CAMTA1: variants seen among roughly 807,000 people sequenced by gnomAD.
CAMTA1 encodes the protein calmodulin binding transcription activator 1.
A neutral mutation model predicts 170.9 loss-of-function variants in CAMTA1; 27 were observed. The observed-to-expected ratio is 0.16, with a 90% CI of 0.12 to 0.22. CAMTA1 has a LOEUF of 0.22. Among genes scored for constraint, CAMTA1 ranks in the 10% least tolerant of loss-of-function variants. The pLI, the probability that CAMTA1 is intolerant of heterozygous loss-of-function variation, is 1.00. For missense variants in CAMTA1, 1,619 were observed against 2,217.2 expected (o/e 0.73, Z 5.42); for synonymous variants, 833 against 891.5 (o/e 0.93, Z 1.17).
chr1:6,907,380 C>T (rs1327985410), intron 3 of CAMTA1, among the ~76,000 whole-genome samples: 1 of 152,110 alleles, frequency 6.6e-6, no homozygotes, highest in Admixed American at 6.5e-5. Context: ...CTCCTGCCCT[C>T]CCCCCGCTGT....
At chr1:7,330,717 G>T (rs558898512) in intron 5 of CAMTA1, among the ~76,000 whole-genome samples, 14 of 152,322 alleles carry the variant, frequency 9.2e-5, no homozygotes, top group Admixed American at 3.9e-4. Context: ...TATACTAACT[G>T]GCTGTTAAGT....
intron 7 of CAMTA1, 49 bp from the exon 8 acceptor site, chr1:7,661,677 C>T: frequency 6.2e-7 from 1 of 1,607,412 alleles, no homozygotes; most frequent in South Asian, 1.1e-5. Flanking sequence ...CACCCAGGTC[C>T]CCTCTGCACC....
intron 4 of CAMTA1, among the ~76,000 whole-genome samples, chr1:7,139,822 T>C (rs1645789414): frequency 6.6e-6 from 1 of 152,198 alleles, no homozygotes; most frequent in Admixed American, 6.5e-5. Flanking sequence ...TTCGCAATGC[T>C]TCGTGACTCA....
Position 7,499,752 on chromosome 1 carries a change from TTG to T in CAMTA1, c.510+31856_510+31857del, listed in dbSNP as rs1417736513. On this transcript the variant is annotated intron_variant, in intron 6 of 22. Transcript: ENST00000303635. ...TCCATGAGTGAGTGTGTAGAGAGGA[TTG>T]TGTGAGCCTGTTGTGAGTGTGTGTG... 4.5e-5 allele frequency among the ~76,000 whole-genome samples: 6 copies of T among 131,872 alleles called. 1 individual carries two copies. 86.5% of individuals were successfully genotyped at this position (131,872 alleles called of 152,430 possible).
chr1:7,452,204 C>T (rs1334276310), intron 5 of CAMTA1, among the ~76,000 whole-genome samples: 1 of 152,180 alleles, frequency 6.6e-6, no homozygotes, highest in Non-Finnish European at 1.5e-5. Flanking sequence ...GATAGACTCA[C>T]GGGGGGTCTG....
At chr1:6,996,550 C>T (rs1043383966) in intron 3 of CAMTA1, among the ~76,000 whole-genome samples, 2 of 152,252 alleles carry the variant, frequency 1.3e-5, no homozygotes, top group Admixed American at 1.3e-4. Context: ...GGGAGTTCCC[C>T]TTTCATTTTC....
chr1:7,724,114 C>T (rs748172154), intron 11 of CAMTA1, among the ~76,000 whole-genome samples: 2 of 152,154 alleles, frequency 1.3e-5, no homozygotes, highest in Non-Finnish European at 1.5e-5. Context: ...CCACTGCGCC[C>T]GGCCTAAAAC....
At chr1:6,908,504 C>G (rs749749025) in intron 3 of CAMTA1, among the ~76,000 whole-genome samples, 1 of 152,210 alleles carries the variant, frequency 6.6e-6, no homozygotes, top group African/African-American at 2.4e-5. Context: ...GAACTGGCAA[C>G]GCGATCACCT....
chr1:6,884,202 G>A (rs1672455508), intron 3 of CAMTA1, among the ~76,000 whole-genome samples: 1 of 151,782 alleles, frequency 6.6e-6, no homozygotes, highest in South Asian at 2.1e-4. Context: ...GGAAGGAGGG[G>A]ACACCATGGC....
chr1:7,149,938 G>A (rs772933420), intron 4 of CAMTA1, among the ~76,000 whole-genome samples: 1 of 152,224 alleles, frequency 6.6e-6, no homozygotes, highest in African/African-American at 2.4e-5. Flanking sequence ...GTACCTGGGG[G>A]CTTGTACTGC....
At chr1:7,330,964 G>A (rs929019992) in intron 5 of CAMTA1, among the ~76,000 whole-genome samples, 10 of 152,122 alleles carry the variant, frequency 6.6e-5, no homozygotes, top group Admixed American at 3.9e-4. Flanking sequence ...GGTTAGAGTC[G>A]GGTACAGTGG....
chr1:7,284,165 C>CTTA (rs1671959013), intron 5 of CAMTA1, among the ~76,000 whole-genome samples: 1 of 117,978 alleles, frequency 8.5e-6, no homozygotes, highest in Non-Finnish European at 1.7e-5. Context: ...TCTTCTTCTT[C>CTTA]TTCTTCTTCT....
rs528634194 is a variant in CAMTA1, at chr1:7,355,297, T to G, written c.438+105671T>G. On this transcript the variant is annotated intron_variant, in intron 5 of 22. Coordinates refer to ENST00000303635, the MANE Select transcript of CAMTA1 (RefSeq NM_015215.4). ...TACTCGGGAGGCTGAGGTGGGAAGA[T>G]GGCTTGGCCCGGAGGGGGTCAAGGC... Among the ~76,000 whole-genome samples, 25 of 2,884 alleles carry G rather than the reference T, an allele frequency of 8.7e-3. 1 individual carries two copies. In the South Asian group the frequency reaches 0.23, roughly 27 times the overall value. 1.9% of individuals were successfully genotyped at this position (2,884 alleles called of 152,430 possible). A position where few individuals can be genotyped will look rare whatever the true frequency, so the allele number is the denominator to read the frequency against.
At position 7,088,738 on chromosome 1, in the gene CAMTA1, C is replaced by T. The variant is rs546574520; in HGVS notation, c.235-2566C>T. 3.9e-5 allele frequency among the ~76,000 whole-genome samples: 6 copies of T among 152,306 alleles called. No homozygotes were observed. In the South Asian group the frequency reaches 1.0e-3, roughly 26 times the overall value. On this transcript the variant is annotated intron_variant, in intron 3 of 22. Transcript: ENST00000303635. ...TCCCCTGGGCCACTAAGGGTCACTT[C>T]TCTCAGCATGGTCCTGAGCAGGGGC...
At chr1:7,449,560 A>G (rs2092763730) in intron 5 of CAMTA1, among the ~76,000 whole-genome samples, 1 of 152,156 alleles carries the variant, frequency 6.6e-6, no homozygotes, top group African/African-American at 2.4e-5. Context: ...AATTGAGGAC[A>G]GGAGTTCAAC....
At chr1:7,326,963 C>T (rs1374415336) in intron 5 of CAMTA1, among the ~76,000 whole-genome samples, 7 of 151,696 alleles carry the variant, frequency 4.6e-5, no homozygotes, top group South Asian at 2.1e-4. Flanking sequence ...GACAGCCAAG[C>T]GAACAAAAAA....
chr1:7,624,662 T>C (rs965586836), intron 6 of CAMTA1, among the ~76,000 whole-genome samples: 6 of 152,160 alleles, frequency 3.9e-5, no homozygotes, highest in African/African-American at 1.4e-4. Context: ...CCCATTCAGA[T>C]GCAGTCAACC....
In CAMTA1 at chr1:7,050,963, GA is replaced by G. The variant is rs1706250900; in HGVS notation, c.235-40339del. Among the ~76,000 whole-genome samples, 1 of 152,200 alleles carries G rather than the reference GA, an allele frequency of 6.6e-6. No homozygotes were observed. Among genetic ancestry groups the G allele is most frequent in the African/African-American group, 2.4e-5 (1 of 41,442 alleles). On this transcript the variant is annotated intron_variant, in intron 3 of 22. Transcript: ENST00000303635. The surrounding 1 kb of genome is among the most constrained non-coding windows in gnomAD (Gnocchi z 4.8). ...TACTGTGTGTTCCCAGGCACAGGGAGAATGACTGTGCTGCCTCTTTCCGGGG... is the reference window on the plus strand; with the variant it reads ...TACTGTGTGTTCCCAGGCACAGGGAGATGACTGTGCTGCCTCTTTCCGGGG...
chr1:7,243,784 A>G (rs971616787), intron 4 of CAMTA1, among the ~76,000 whole-genome samples: 3 of 152,182 alleles, frequency 2.0e-5, no homozygotes, highest in Non-Finnish European at 4.4e-5. Context: ...TGGTAGCTTG[A>G]TGGGGATGGC....
Sources: allele counts gnomAD v4.1 joint callset (sites outside exome capture counted in the v4.1 genomes callset), GRCh38; gene constraint gnomAD v4.1.1; non-coding constraint Gnocchi (gnomAD v3.1); transcripts MANE v1.5; gene names NCBI Gene and HGNC (gene_info 2026-07-23, HGNC 2026-07-21).